Variants in KIF2A observed in about 807,000 individuals in gnomAD.
The protein encoded by KIF2A is kinesin family member 2A.
Under a neutral mutation model 100.2 loss-of-function variants are expected in KIF2A, and 22 were observed. That is an observed-to-expected ratio of 0.22 (90% CI 0.16 to 0.31). The LOEUF is 0.31. Among genes scored for constraint, KIF2A ranks in the 10% least tolerant of loss-of-function variants. The pLI, the probability that KIF2A is intolerant of heterozygous loss-of-function variation, is 1.00. For missense variants in KIF2A, 495 were observed against 898.7 expected, an observed-to-expected ratio of 0.55 and a Z score of 5.74; for synonymous variants, 268 against 285.9, an observed-to-expected ratio of 0.94 and a Z score of 0.63.
intron 16 of KIF2A, among the ~76,000 whole-genome samples, chr5:62,367,262 G>GT (rs996998038): frequency 1.3e-5 from 2 of 151,446 alleles, no homozygotes; most frequent in Non-Finnish European, 2.9e-5. Flanking sequence ...TGTTTTTTTT[G>GT]TTTTTTGTTT....
At chr5:62,372,239 G>A (rs969264244) in intron 16 of KIF2A, among the ~76,000 whole-genome samples, 199 bp from the exon 17 acceptor site, 1 of 152,182 alleles carries the variant, frequency 6.6e-6, no homozygotes, top group South Asian at 2.1e-4. Context: ...TAGGACTATA[G>A]AGCAGGGGAT....
chr5:62,362,913 A>G (rs575301103), intron 12 of KIF2A, among the ~76,000 whole-genome samples: 58 of 152,262 alleles, frequency 3.8e-4, no homozygotes, highest in South Asian at 1.2e-3. Flanking sequence ...TGTAGCTTCA[A>G]TCTCCTGAGC....
In KIF2A at chr5:62,388,720, T is replaced by G. The variant is rs926096066; in HGVS notation, c.*3151T>G. ...AGTAAATAGAAGAGTAACATCTTTA[T>G]ACAATAAACTGTTAGAAATGATAAG... is the stretch of plus-strand genomic sequence containing the variant. On this transcript the variant is annotated 3_prime_UTR_variant, in exon 21 of 21. Transcript: ENST00000407818. The G allele has an allele frequency of 2.6e-6, 1 of 384,684 alleles. No homozygotes were observed. The highest frequency in any genetic ancestry group is 4.4e-5 in the Admixed American group (1 of 22,958). 23.8% of individuals were successfully genotyped at this position (384,684 alleles called of 1,614,324 possible).
Position 62,306,444 on chromosome 5 carries a change from G to T in KIF2A, c.-29G>T, listed in dbSNP as rs749977725. The stretch of plus-strand genomic sequence containing the variant: ...TTCCGCCCTCCGGTCCCCCTCCCTC[G>T]GCCCGCTGCTGCTGCTCCAGATGAG... On this transcript the variant is annotated 5_prime_UTR_variant, in exon 1 of 21. Coordinates refer to ENST00000407818, the MANE Select transcript of KIF2A (RefSeq NM_001098511.3). The T allele has an allele frequency of 3.0e-6, 4 of 1,330,714 alleles. No homozygotes were observed. The highest frequency in any genetic ancestry group is 3.2e-5 in the African/African-American group (2 of 62,684). 82.4% of individuals were successfully genotyped at this position (1,330,714 alleles called of 1,614,324 possible). A position where few individuals can be genotyped will look rare whatever the true frequency, so the allele number is the denominator to read the frequency against.
At chr5:62,345,696 A>G (rs1246571514) in intron 1 of KIF2A, among the ~76,000 whole-genome samples, 1 of 152,144 alleles carries the variant, frequency 6.6e-6, no homozygotes, top group Non-Finnish European at 1.5e-5. Flanking sequence ...TTAAATTATT[A>G]TAGTGCCCAT....
chr5:62,324,726 C>T (rs572819149), intron 1 of KIF2A, among the ~76,000 whole-genome samples: 51 of 152,316 alleles, frequency 3.3e-4, no homozygotes, highest in African/African-American at 1.0e-3. Context: ...GGATTAAAGA[C>T]TTAAATGTAA....
Position 62,363,752 on chromosome 5 carries a change from G to C in KIF2A, c.1320G>C (p.Gln440His). ...CATCTCGGAGCCATGCAGTGTTTCA[G>C]ATTATTCTTAGAAGGAAAGGAAAAC... ...AHSSRSHAVF[Q>H]IILRRKGKLH... The change falls in exon 14 of 21, where the codon CAG becomes CAC. Residue 440 changes from glutamine to histidine, a missense_variant. Gln to His is a conservative substitution (Grantham distance 24, BLOSUM62 0). This residue lies in a region of KIF2A where 38 missense variants were observed against 99.5 expected (regional missense o/e 0.38). Transcript: ENST00000407818. 6.2e-7 allele frequency: 1 copy of C among 1,613,844 alleles called. No individual in the cohort carries two copies. Among genetic ancestry groups the C allele is most frequent in the Non-Finnish European group, 8.5e-7 (1 of 1,179,826 alleles).
intron 1 of KIF2A, among the ~76,000 whole-genome samples, chr5:62,341,040 C>A (rs1747266501): frequency 6.6e-6 from 1 of 152,146 alleles, no homozygotes; most frequent in Non-Finnish European, 1.5e-5. Flanking sequence ...TGGCAAAAAG[C>A]AAATGCTTAA....
intron 1 of KIF2A, among the ~76,000 whole-genome samples, chr5:62,339,767 A>G (rs900715473): frequency 5.4e-5 from 8 of 147,648 alleles, no homozygotes; most frequent in Admixed American, 2.7e-4. Flanking sequence ...GTATTGAGCA[A>G]AAAAAAAAAA....
At chr5:62,308,660 A>T (rs1745423428) in intron 1 of KIF2A, 2 of 667,810 alleles carry the variant, frequency 3.0e-6, no homozygotes, top group Admixed American at 4.3e-5. Context: ...ATGTTAAATG[A>T]GATAAGCCAG....
intron 1 of KIF2A, among the ~76,000 whole-genome samples, chr5:62,314,328 G>C (rs1009355638): frequency 6.6e-6 from 1 of 152,054 alleles, no homozygotes; most frequent in African/African-American, 2.4e-5. Flanking sequence ...GCCAGGCCTG[G>C]TAGCATGTGA....
chr5:62,372,509 C>G lies in KIF2A; in HGVS notation c.1718C>G (p.Ser573Cys). ...SQGSGSRPDL[S>C]PSYEYDDFSP... ...GGTAGTGGCAGTCGCCCTGATCTCT[C>G]TCCTTCTTATGAATATGACGACTTT... The change falls in exon 17 of 21, where the codon TCT becomes TGT. Residue 573 changes from serine to cysteine, a missense_variant. Physicochemically the swap from Ser to Cys is moderately radical, Grantham distance 112. Transcript: ENST00000407818. The G allele has an allele frequency of 6.2e-7, 1 of 1,612,526 alleles. No individual in the cohort carries two copies. Among genetic ancestry groups the G allele is most frequent in the South Asian group, 1.1e-5 (1 of 90,962 alleles).
Position 62,352,567 on chromosome 5 carries a change from ATTT to A in KIF2A, c.335-11_335-9del, listed in dbSNP as rs762620321. 5 of 1,119,914 alleles carry A rather than the reference ATTT, an allele frequency of 4.5e-6. No individual in the cohort carries two copies. Among genetic ancestry groups the A allele is most frequent in the African/African-American group, 3.3e-5 (2 of 61,010 alleles). The allele number at this position is 1,119,914 out of a possible 1,614,324, so 69.4% of individuals were successfully genotyped here. A position where few individuals can be genotyped will look rare whatever the true frequency, so the allele number is the denominator to read the frequency against. ...ACTAATTTTCTATCCTGAATTTAAAATTTTTTTTTTTTACTTACAGTGGTTGGT... is the reference window on the plus strand; with the variant it reads ...ACTAATTTTCTATCCTGAATTTAAAATTTTTTTTTACTTACAGTGGTTGGT... On this transcript the variant is annotated intron_variant, in intron 4 of 20. Transcript: ENST00000407818.
chr5:62,383,228 G>GTTTTTTT, intron 20 of KIF2A, among the ~76,000 whole-genome samples: 1 of 99,428 alleles, frequency 1.0e-5, no homozygotes, highest in African/African-American at 3.9e-5. Flanking sequence ...TGCCTGGCCA[G>GTTTTTTT]ATTTTTTTTT....
intron 18 of KIF2A, among the ~76,000 whole-genome samples, chr5:62,374,125 T>G (rs193261981): frequency 2.0e-5 from 3 of 152,300 alleles, no homozygotes; most frequent in African/African-American, 7.2e-5. Context: ...GGTGGGAGGA[T>G]TGCTTGAGCA....
chr5:62,346,105 T>C (rs1328351827), intron 1 of KIF2A, among the ~76,000 whole-genome samples: 2 of 152,024 alleles, frequency 1.3e-5, no homozygotes, highest in Non-Finnish European at 2.9e-5. Context: ...TATTAAATAA[T>C]TTATGATAAA....
chr5:62,306,382 T>TCC lies in KIF2A; in HGVS notation c.-87_-86dup. The TCC allele has an allele frequency of 1.1e-6, 1 of 942,898 alleles. No homozygotes were observed. The highest frequency in any genetic ancestry group is 1.6e-6 in the Non-Finnish European group (1 of 623,018). The allele number at this position is 942,898 out of a possible 1,614,324, so 58.4% of individuals were successfully genotyped here. A position where few individuals can be genotyped will look rare whatever the true frequency, so the allele number is the denominator to read the frequency against. On this transcript the variant is annotated 5_prime_UTR_variant, in exon 1 of 21. Transcript: ENST00000407818. ...GGCCGGCGCGGCCGCGGGCAACCGC[T>TCC]CCCCCTCCCACACCTACCCCGCCCC...
chr5:62,329,222 TAAACC>T (rs1746523545), intron 1 of KIF2A, among the ~76,000 whole-genome samples: 1 of 152,206 alleles, frequency 6.6e-6, no homozygotes. Flanking sequence ...TTAAGTGTGA[TAAACC>T]AAACAGAAAT....
chr5:62,389,880 T>G lies in KIF2A; in HGVS notation c.*4311T>G, dbSNP rs1742220028. 2.0e-5 allele frequency among the ~76,000 whole-genome samples: 3 copies of G among 152,120 alleles called. No individual in the cohort carries two copies. On this transcript the variant is annotated 3_prime_UTR_variant, in exon 21 of 21. Coordinates refer to ENST00000407818, the MANE Select transcript of KIF2A (RefSeq NM_001098511.3). ...AGTGAAAATGAAGAAAAAGAGAAAA[T>G]ATTTCTCTTTAGACCTGAGGTTATG... is the stretch of plus-strand genomic sequence containing the variant.
Sources: gnomAD v4.1 joint callset for allele counts (sites outside exome capture counted in the v4.1 genomes callset) on GRCh38, gnomAD v4.1.1 for gene constraint, gnomAD v4.1.1 regional missense constraint, MANE v1.5 for transcripts, NCBI Gene and HGNC (gene_info 2026-07-23, HGNC 2026-07-21) for gene names.